The following KIF7 variants were observed in gnomAD, a reference collection of about 807,000 sequenced individuals.
KIF7 encodes kinesin family member 7.
Under a neutral mutation model 135.7 loss-of-function variants are expected in KIF7, and 104 were observed. The observed-to-expected ratio is 0.77, with a 90% confidence interval of 0.65 to 0.90. KIF7 has a LOEUF of 0.90. KIF7 is among the 40% of genes least tolerant of loss of function. The pLI is 0.00. For synonymous variants in KIF7, 883 were observed against 809.4 expected (o/e 1.09, Z -1.54); for missense variants, 2,005 against 1,839.1 (o/e 1.09, Z -1.65).
chr15:89,644,017 A>G (rs1963967804), intron 10 of KIF7, among the ~76,000 whole-genome samples: 1 of 151,920 alleles, frequency 6.6e-6, no homozygotes, highest in African/African-American at 2.4e-5. Context: ...AAGGACATGA[A>G]GTCTGGCATG....
At position 89,628,342 on chromosome 15, in the gene KIF7, T is replaced by G; in HGVS notation, c.*77A>C. The G allele has an allele frequency of 6.5e-7, 1 of 1,528,518 alleles. No individual in the cohort carries two copies. 94.7% of individuals were successfully genotyped at this position (1,528,518 alleles called of 1,614,324 possible). ...TAGGGTGTGCGGTAAGGACTGCCCT[T>G]CACAGAAGCAAAACAGGCAGCTGCC... On this transcript the variant is annotated 3_prime_UTR_variant, in exon 19 of 19. Transcript: ENST00000394412.
chr15:89,645,926 TC>T lies in KIF7; in HGVS notation c.1888del (p.Glu630ArgfsTer90). On this transcript the variant is annotated frameshift_variant, in exon 8 of 19. Transcript: ENST00000394412. LOFTEE classifies it high-confidence loss of function. ...SAASEEEEEE[E>X]EPPRRTLHLR... The stretch of plus-strand genomic sequence containing the variant: ...GTGTAAGGTCCGCCTGGGCGGCTCC[TC>T]CTCCTCCTCTTCCTCCTCTGAAGCA... 1 of 1,613,768 alleles carries T rather than the reference TC, an allele frequency of 6.2e-7. No individual in the cohort carries two copies. The highest frequency in any genetic ancestry group is 8.5e-7 in the Non-Finnish European group (1 of 1,179,998).
intron 14 of KIF7, among the ~76,000 whole-genome samples, chr15:89,632,413 C>T (rs1052681690): frequency 6.6e-6 from 1 of 152,174 alleles, no homozygotes; most frequent in Non-Finnish European, 1.5e-5. Flanking sequence ...CCTATACCTG[C>T]GCCTCCTCAT....
In KIF7 at chr15:89,632,948, G is replaced by A; in HGVS notation, c.2767C>T (p.Leu923=). The change falls in exon 14 of 19, where the codon CTA becomes TTA. Residue 923 remains leucine, a synonymous_variant. Transcript: ENST00000394412. The part of the protein sequence containing the change: ...KWLDQEMEKV[L]QQRRALEELG... ...TCCTCCAGCGCCCGCCGCTGCTGTA[G>A]CACCTTCTCCATCTCCTGGTCCAGC... 6.5e-7 allele frequency: 1 copy of A among 1,540,810 alleles called. No individual in the cohort carries two copies. The highest frequency in any genetic ancestry group is 8.7e-7 in the Non-Finnish European group (1 of 1,143,116).
chr15:89,619,221 C>CTTTTTT (rs386383750), intron 1 of KIF7, among the ~76,000 whole-genome samples: 1,448 of 111,930 alleles, frequency 0.013, 93 homozygotes, highest in African/African-American at 0.046. Flanking sequence ...CACCATTCTT[C>CTTTTTT]TTTTTTTTTT....
chr15:89,619,720 G>A, intron 1 of KIF7: 1 of 1,610,942 alleles, frequency 6.2e-7, no homozygotes, highest in Non-Finnish European at 8.5e-7. Context: ...ATAAGTCTGA[G>A]ACGAAGTCCT....
chr15:89,630,977 AGTT>A (rs1963661316), intron 15 of KIF7: 1 of 245,058 alleles, frequency 4.1e-6, no homozygotes, highest in Non-Finnish European at 8.0e-6. Context: ...TACTGTAGGC[AGTT>A]GTTAACCATG....
chr15:89,645,463 A>T lies in KIF7; in HGVS notation c.1923-12T>A. ...TGCTGATCCTATTTCTGGAGGACAGAAGCAGGAGGCCATGCTCCTCCCCAG... is the reference window on the plus strand; with the variant it reads ...TGCTGATCCTATTTCTGGAGGACAGTAGCAGGAGGCCATGCTCCTCCCCAG... On this transcript the variant is annotated splice_polypyrimidine_tract_variant and intron_variant, in intron 8 of 18. Coordinates refer to ENST00000394412, the MANE Select transcript of KIF7 (RefSeq NM_198525.3). 1 of 1,599,838 alleles carries T rather than the reference A, an allele frequency of 6.3e-7. No homozygotes were observed. The highest frequency in any genetic ancestry group is 8.5e-7 in the Non-Finnish European group (1 of 1,170,908).
chr15:89,619,822 C>A (rs1438281795), intron 1 of KIF7: 1 of 1,612,816 alleles, frequency 6.2e-7, no homozygotes, highest in East Asian at 2.2e-5. Flanking sequence ...AGAGTCCACT[C>A]TTTCCAGCAA....
In KIF7 at chr15:89,628,513, C is replaced by T. The variant is rs759591288; in HGVS notation, c.3938G>A (p.Gly1313Asp). The T allele has an allele frequency of 3.7e-6, 6 of 1,613,110 alleles. No homozygotes were observed. The highest frequency in any genetic ancestry group is 4.5e-5 in the East Asian group (2 of 44,880). ...VGRVLPVGEA[G>D]LPWNFGPLSK... is the part of the protein sequence containing the mutation. ...CAAAGGCCCAAAGTTCCAGGGCAGG[C>T]CTGCCTCACCCACAGGAAGCACCCG... is the stretch of plus-strand genomic sequence containing the variant. The change falls in exon 19 of 19, where the codon GGC becomes GAC. Residue 1313 changes from glycine to aspartate, a missense_variant. Physicochemically the swap from Gly to Asp is moderately conservative, Grantham distance 94. Coordinates refer to ENST00000394412, the MANE Select transcript of KIF7 (RefSeq NM_198525.3).
At chr15:89,639,877 G>C (rs1250850651) in intron 11 of KIF7, among the ~76,000 whole-genome samples, 2 of 152,080 alleles carry the variant, frequency 1.3e-5, no homozygotes, top group African/African-American at 4.8e-5. Flanking sequence ...CAATAGCAAA[G>C]ACTTGGAACC....
In KIF7 at chr15:89,618,213, G is replaced by C. The variant is rs766736144; in HGVS notation, c.181-18C>G. 2.5e-6 allele frequency: 4 copies of C among 1,613,752 alleles called. No homozygotes were observed. The African/African-American group carries it at 5.3e-5, about 22-fold the overall frequency. ...AGAGTCCCCTGAAAAAGGAGATGGT[G>C]AGTGTTATCTCTTTTTGTTTTTAAT... On this transcript the variant is annotated intron_variant and NMD_transcript_variant, in intron 1 of 2. Transcript: ENST00000558928.
At chr15:89,638,359 T>A (rs1963853077) in intron 11 of KIF7, among the ~76,000 whole-genome samples, 1 of 146,418 alleles carries the variant, frequency 6.8e-6, no homozygotes. Context: ...AGTCAAATTG[T>A]CCCTGTTTGC....
rs545694565 is a variant in KIF7 at position 89,621,315 on chromosome 15, G to A, written c.181-3120C>T. 26 of 1,460,016 alleles carry A rather than the reference G, an allele frequency of 1.8e-5. No individual in the cohort carries two copies. The East Asian group carries it at 4.2e-4, about 23-fold the overall frequency. 90.4% of individuals were successfully genotyped at this position (1,460,016 alleles called of 1,614,324 possible). A position where few individuals can be genotyped will look rare whatever the true frequency, so the allele number is the denominator to read the frequency against. ...GGATTACAGGCGTGAGCCACCATGCGTGGCTGGCTGTTTTAATAGTATTGG... is the reference window on the plus strand; with the variant it reads ...GGATTACAGGCGTGAGCCACCATGCATGGCTGGCTGTTTTAATAGTATTGG... On this transcript the variant is annotated intron_variant and NMD_transcript_variant, in intron 1 of 2. Coordinates refer to the KIF7 transcript ENST00000558928.
intron 9 of KIF7, 48 bp from the exon 10 acceptor site, chr15:89,645,213 G>C: frequency 6.2e-7 from 1 of 1,605,524 alleles, no homozygotes. Flanking sequence ...GACAGTGGGG[G>C]AGACAGAGGA....
At chr15:89,650,541 C>G (rs890011378) in intron 2 of KIF7, among the ~76,000 whole-genome samples, 15 of 152,062 alleles carry the variant, frequency 9.9e-5, no homozygotes, top group African/African-American at 3.6e-4. Flanking sequence ...TTATAGGCAT[C>G]TGCCACCATG....
intron 2 of KIF7, among the ~76,000 whole-genome samples, chr15:89,650,637 C>T (rs1007907415): frequency 1.3e-5 from 2 of 152,172 alleles, no homozygotes; most frequent in East Asian, 1.9e-4. Context: ...CGTGATCCGC[C>T]GGCCTCAGCC....
In KIF7 at chr15:89,647,008, C is replaced by T. The variant is rs1163941455; in HGVS notation, c.1610G>A (p.Arg537Gln). The stretch of plus-strand genomic sequence containing the variant: ...CCAGCCTGGCCGCACCAGCTCTAAC[C>T]GCAGCCGCAGTTCCACCATCTCCTC... The part of the protein sequence containing the change: ...QQEEMVELRL[R>Q]LELVRPGWGG... The change falls in exon 7 of 19, where the codon CGG becomes CAG. Residue 537 changes from arginine (R) to glutamine (Q), a missense_variant. Physicochemically the swap from Arg to Gln is conservative, Grantham distance 43. Coordinates refer to ENST00000394412, the MANE Select transcript of KIF7 (RefSeq NM_198525.3). 1.2e-6 allele frequency: 2 copies of T among 1,611,720 alleles called. No individual in the cohort carries two copies. The highest frequency in any genetic ancestry group is 2.2e-5 in the East Asian group (1 of 44,802).
chr15:89,628,369 C>A lies in KIF7; in HGVS notation c.*50G>T. 1.3e-6 allele frequency: 2 copies of A among 1,552,612 alleles called. No individual in the cohort carries two copies. On this transcript the variant is annotated 3_prime_UTR_variant, in exon 19 of 19. Transcript: ENST00000394412. ...ACAGAAGCAAAACAGGCAGCTGCCCCTTTCAGCAGGCTCGGAGTCTCCCTC... is the reference window on the plus strand; with the variant it reads ...ACAGAAGCAAAACAGGCAGCTGCCCATTTCAGCAGGCTCGGAGTCTCCCTC...
Sources: allele counts gnomAD v4.1 joint callset (sites outside exome capture counted in the v4.1 genomes callset), GRCh38; gene constraint gnomAD v4.1.1; transcripts MANE v1.5; gene names NCBI Gene and HGNC (gene_info 2026-07-23, HGNC 2026-07-21).